The following RCOR1 variants were observed in gnomAD, a reference collection of about 807,000 sequenced individuals.
The protein encoded by RCOR1 is REST corepressor.
A neutral mutation model predicts 64.0 loss-of-function variants in RCOR1; 12 were observed. The observed-to-expected ratio is 0.19, with a 90% CI of 0.12 to 0.30. The LOEUF (loss-of-function observed/expected upper bound fraction) is 0.30. RCOR1 is among the 10% of genes least tolerant of loss of function. RCOR1 has a pLI of 1.00. For missense variants in RCOR1, 502 were observed against 621.2 expected, an observed-to-expected ratio of 0.81 and a Z score of 2.04; for synonymous variants, 279 against 227.2, an observed-to-expected ratio of 1.23 and a Z score of -2.05.
At chr14:102,636,910 G>T (rs561065529) in intron 2 of RCOR1, among the ~76,000 whole-genome samples, 7 of 152,074 alleles carry the variant, frequency 4.6e-5, no homozygotes, top group African/African-American at 1.4e-4. Flanking sequence ...GGTGGAGGTT[G>T]CAGTGAGCTG....
Position 102,605,283 on chromosome 14 carries a change from A to G in RCOR1, c.361+11958A>G, listed in dbSNP as rs1034010360. Among the ~76,000 whole-genome samples, 10 of 152,204 alleles carry G rather than the reference A, an allele frequency of 6.6e-5. No homozygotes were observed. In the East Asian group the frequency reaches 1.9e-3, roughly 29 times the overall value. Reference sequence around the variant, plus strand: ...TGGTTAGCTTGGTTGCCTGGGGACAAATTGGACTGAGTTGCTTTATTCCTG... The same window carrying G: ...TGGTTAGCTTGGTTGCCTGGGGACAGATTGGACTGAGTTGCTTTATTCCTG... On this transcript the variant is annotated intron_variant, in intron 2 of 11. Coordinates refer to ENST00000262241, the MANE Select transcript of RCOR1 (RefSeq NM_015156.4).
intron 2 of RCOR1, among the ~76,000 whole-genome samples, chr14:102,680,732 G>T (rs1174956928): frequency 6.6e-6 from 1 of 152,152 alleles, no homozygotes; most frequent in Admixed American, 6.5e-5. Context: ...TTGAGCCTGG[G>T]AGGCAGAGGT....
At position 102,593,198 on chromosome 14, in the gene RCOR1, GCCGCCCCC is replaced by G. The variant is rs1385392498; in HGVS notation, c.301+12_301+19del. On this transcript the variant is annotated intron_variant, in intron 1 of 11. Coordinates refer to ENST00000262241, the MANE Select transcript of RCOR1 (RefSeq NM_015156.4). ...GCGACGAGGAGCACGGTAGGTGGCA[GCCGCCCCC>G]GCGGCCCCGGGCCCCGCGCCCCGCG... is the stretch of plus-strand genomic sequence containing the variant. 6.7e-7 allele frequency: 1 copy of G among 1,482,354 alleles called. No individual in the cohort carries two copies. The highest frequency in any genetic ancestry group is 1.5e-5 in the African/African-American group (1 of 67,860). The allele number at this position is 1,482,354 out of a possible 1,614,324, so 91.8% of individuals were successfully genotyped here. A position where few individuals can be genotyped will look rare whatever the true frequency, so the allele number is the denominator to read the frequency against.
intron 2 of RCOR1, among the ~76,000 whole-genome samples, chr14:102,598,389 C>T (rs964505253): frequency 6.6e-5 from 10 of 151,552 alleles, no homozygotes; most frequent in African/African-American, 2.4e-4. Context: ...TCTGTCATGC[C>T]TTACAAAGAG....
chr14:102,676,323 G>T, intron 2 of RCOR1, among the ~76,000 whole-genome samples: 1 of 144,620 alleles, frequency 6.9e-6, no homozygotes, highest in Non-Finnish European at 1.5e-5. Context: ...GGATGGGGCG[G>T]CTGGCCGGGC....
Position 102,643,283 on chromosome 14 carries a change from CAA to C in RCOR1, c.362-38605_362-38604del, listed in dbSNP as rs529112960. 1.9e-3 allele frequency: 1,767 copies of C among 949,620 alleles called. 28 individuals carry two copies. The African/African-American group carries it at 0.03, about 16-fold the overall frequency. 58.8% of individuals were successfully genotyped at this position (949,620 alleles called of 1,614,324 possible). A position where few individuals can be genotyped will look rare whatever the true frequency, so the allele number is the denominator to read the frequency against. On this transcript the variant is annotated intron_variant, in intron 2 of 11. Coordinates refer to ENST00000262241, the MANE Select transcript of RCOR1 (RefSeq NM_015156.4). ...TGGGCGACAGAGCGAGACTCCGTCT[CAA>C]AAAAAAGAGGAATGGAAGAGATTAG...
Position 102,593,201 on chromosome 14 carries a change from G to T in RCOR1, c.301+14G>T. On this transcript the variant is annotated intron_variant, in intron 1 of 11. Transcript: ENST00000262241. ...ACGAGGAGCACGGTAGGTGGCAGCC[G>T]CCCCCGCGGCCCCGGGCCCCGCGCC... 6.8e-7 allele frequency: 1 copy of T among 1,476,252 alleles called. No individual in the cohort carries two copies. The highest frequency in any genetic ancestry group is 2.8e-5 in the Admixed American group (1 of 35,754). 91.4% of individuals were successfully genotyped at this position (1,476,252 alleles called of 1,614,324 possible). A position where few individuals can be genotyped will look rare whatever the true frequency, so the allele number is the denominator to read the frequency against.
At chr14:102,709,373 G>A (rs577542109) in intron 6 of RCOR1, among the ~76,000 whole-genome samples, 45 of 152,286 alleles carry the variant, frequency 3.0e-4, no homozygotes, top group African/African-American at 1.0e-3. Context: ...TTAGGGTGGT[G>A]AGATATATAG....
chr14:102,687,361 A>G (rs1346653535), intron 3 of RCOR1, among the ~76,000 whole-genome samples: 1 of 152,242 alleles, frequency 6.6e-6, no homozygotes, highest in Non-Finnish European at 1.5e-5. Context: ...TCTCCAGACA[A>G]TATTTACCAC....
intron 2 of RCOR1, chr14:102,649,690 A>G (rs1206021381): frequency 1.8e-6 from 1 of 551,648 alleles, no homozygotes; most frequent in Non-Finnish European, 2.3e-6. Flanking sequence ...CTGTGGGGTA[A>G]TTCTGGTGTT....
chr14:102,601,188 CAAAA>C, intron 2 of RCOR1, among the ~76,000 whole-genome samples: 1 of 145,468 alleles, frequency 6.9e-6, no homozygotes, highest in South Asian at 2.2e-4. Flanking sequence ...GACTCTGTCT[CAAAA>C]AAAAAAGACG....
chr14:102,660,490 G>C (rs917024500), intron 2 of RCOR1, among the ~76,000 whole-genome samples: 1 of 152,024 alleles, frequency 6.6e-6, no homozygotes, highest in African/African-American at 2.4e-5. Context: ...CTGGGCTCCA[G>C]CAATCCTCCC....
chr14:102,725,641 G>C (rs532512945), intron 11 of RCOR1, among the ~76,000 whole-genome samples: 2 of 152,208 alleles, frequency 1.3e-5, no homozygotes, highest in Admixed American at 6.5e-5. Flanking sequence ...GCAGTGGTAC[G>C]ATCTTAGCTC....
Position 102,593,312 on chromosome 14 carries a change from C to T in RCOR1, c.348C>T (p.Pro116=), listed in dbSNP as rs752764722. ...GACCCCAGTACCAGGCGGTGGTGCC[C>T]GACTTCGACCCCGGTGAGTAGCGGC... The part of the protein sequence containing the change: ...RVGPQYQAVV[P]DFDPAKLARR... Residue 116 remains proline (P), a synonymous_variant, in exon 2 of 12, where the codon CCC becomes CCT. Transcript: ENST00000262241. The T allele has an allele frequency of 4.5e-6, 7 of 1,547,020 alleles. No individual in the cohort carries two copies. The highest frequency in any genetic ancestry group is 3.6e-5 in the South Asian group (3 of 84,116).
chr14:102,654,710 TAAAG>T (rs1225926296), intron 2 of RCOR1, among the ~76,000 whole-genome samples: 2 of 142,734 alleles, frequency 1.4e-5, no homozygotes, highest in Non-Finnish European at 3.1e-5. Context: ...TACAAGAAAA[TAAAG>T]AAAAAAATTT....
intron 2 of RCOR1, among the ~76,000 whole-genome samples, chr14:102,610,484 C>T (rs1036276353): frequency 1.2e-4 from 18 of 152,012 alleles, no homozygotes; most frequent in African/African-American, 3.6e-4. Context: ...TATTTTTATC[C>T]TCCCAGCAAG....
intron 2 of RCOR1, among the ~76,000 whole-genome samples, chr14:102,630,954 T>C (rs189530075): frequency 3.3e-4 from 50 of 152,036 alleles, no homozygotes; most frequent in Non-Finnish European, 5.2e-4. Flanking sequence ...CTGTGTAGTC[T>C]CACGACCTCT....
chr14:102,658,007 C>T, intron 2 of RCOR1: 3 of 918,206 alleles, frequency 3.3e-6, no homozygotes, highest in Non-Finnish European at 3.9e-6. Flanking sequence ...CAGAGTCTTG[C>T]TCTGTTGCCC....
At position 102,592,812 on chromosome 14, in the gene RCOR1, C is replaced by T; in HGVS notation, c.-75C>T. On this transcript the variant is annotated 5_prime_UTR_variant, in exon 1 of 12. Transcript: ENST00000262241. ...CCCGGCCCCGCGCCGGCCCCGCGCC[C>T]CCTCCCCCGTCTCGGCGCCCCCTCC... 8.5e-7 allele frequency: 1 copy of T among 1,179,552 alleles called. No homozygotes were observed. Among genetic ancestry groups the T allele is most frequent in the Non-Finnish European group, 1.0e-6 (1 of 954,486 alleles). The allele number at this position is 1,179,552 out of a possible 1,614,324, so 73.1% of individuals were successfully genotyped here. A position where few individuals can be genotyped will look rare whatever the true frequency, so the allele number is the denominator to read the frequency against.
Sources: allele counts gnomAD v4.1 joint callset (sites outside exome capture counted in the v4.1 genomes callset), GRCh38; gene constraint gnomAD v4.1.1; transcripts MANE v1.5; gene names NCBI Gene and HGNC (gene_info 2026-07-23, HGNC 2026-07-21).